ZNF385B: variants seen among roughly 807,000 people sequenced by gnomAD.
The protein encoded by ZNF385B is zinc finger protein 533.
ZNF385B carries 23 observed loss-of-function variants against 39.2 expected under a neutral mutation model. The observed-to-expected ratio is 0.59, with a 90% confidence interval of 0.42 to 0.83. The LOEUF (loss-of-function observed/expected upper bound fraction) is 0.83. Ranked by LOEUF, ZNF385B falls within the 40% of genes least tolerant of loss-of-function variation. The pLI is 0.00. For synonymous variants in ZNF385B, 205 were observed against 222.6 expected, an observed-to-expected ratio of 0.92 and a Z score of 0.70; for missense variants, 552 against 598.9, an observed-to-expected ratio of 0.92 and a Z score of 0.82.
intron 3 of ZNF385B, among the ~76,000 whole-genome samples, chr2:179,756,251 C>A (rs1703008289): frequency 6.6e-6 from 1 of 152,114 alleles, no homozygotes; most frequent in Non-Finnish European, 1.5e-5. Context: ...CTTAGTTTGG[C>A]TGGATATGAA....
At chr2:179,836,613 G>A (rs1471224123) in intron 1 of ZNF385B, among the ~76,000 whole-genome samples, 1 of 148,344 alleles carries the variant, frequency 6.7e-6, no homozygotes, top group African/African-American at 2.5e-5. Flanking sequence ...CCGCTTCCCG[G>A]GTTCACGCCA....
intron 3 of ZNF385B, among the ~76,000 whole-genome samples, chr2:179,559,285 G>A (rs2061164884): frequency 6.6e-6 from 1 of 152,028 alleles, no homozygotes; most frequent in Non-Finnish European, 1.5e-5. Context: ...TGAGAAACAT[G>A]GAGTGTTCTG....
rs979675600 is a variant in ZNF385B at position 179,766,530 on chromosome 2, T to A, written c.298+2973A>T. Among the ~76,000 whole-genome samples the A allele has an allele frequency of 2.6e-5, 4 of 152,242 alleles. 1 individual carries two copies. The highest frequency in any genetic ancestry group is 2.6e-4 in the Admixed American group (4 of 15,292). On this transcript the variant is annotated intron_variant, in intron 3 of 9. Transcript: ENST00000410066. ...CCTTCTGAGGGCTGTGAGGGAAGGA[T>A]CTATTCTAGGGCTCTCTCCTTGGCT...
intron 3 of ZNF385B, among the ~76,000 whole-genome samples, chr2:179,599,006 C>T (rs574051883): frequency 1.3e-5 from 2 of 152,242 alleles, no homozygotes; most frequent in South Asian, 4.1e-4. Flanking sequence ...TAATTAAAGA[C>T]ATTTATTGTG....
chr2:179,739,176 G>A (rs74753477), intron 3 of ZNF385B, among the ~76,000 whole-genome samples: 190 of 152,228 alleles, frequency 1.2e-3, no homozygotes, highest in African/African-American at 4.4e-3. Context: ...CATATAAAAC[G>A]TCTTGCATAT....
chr2:179,852,502 A>T (rs1684259259), intron 1 of ZNF385B, among the ~76,000 whole-genome samples: 1 of 152,178 alleles, frequency 6.6e-6, no homozygotes, highest in Non-Finnish European at 1.5e-5. Context: ...TTGTAGGGTT[A>T]GGTTTGGGCC....
intron 3 of ZNF385B, among the ~76,000 whole-genome samples, chr2:179,730,038 T>C (rs1701288128): frequency 6.6e-6 from 1 of 152,178 alleles, no homozygotes; most frequent in South Asian, 2.1e-4. Flanking sequence ...TAATACACCA[T>C]AGTATCCCCA....
At chr2:179,672,197 C>G (rs1696107384) in intron 3 of ZNF385B, among the ~76,000 whole-genome samples, 1 of 152,216 alleles carries the variant, frequency 6.6e-6, no homozygotes, top group East Asian at 1.9e-4. Context: ...TGTTCTCACT[C>G]AGAATTTATC....
chr2:179,651,036 A>G (rs889683601), intron 3 of ZNF385B, among the ~76,000 whole-genome samples: 13 of 152,210 alleles, frequency 8.5e-5, no homozygotes, highest in Non-Finnish European at 1.6e-4. Flanking sequence ...TTACTCGAAG[A>G]AAGGACATGA....
chr2:179,681,144 T>C (rs1697478188), intron 3 of ZNF385B, among the ~76,000 whole-genome samples: 1 of 151,570 alleles, frequency 6.6e-6, no homozygotes, highest in Non-Finnish European at 1.5e-5. Flanking sequence ...AAAACTGGCA[T>C]TGATATTTTC....
intron 5 of ZNF385B, among the ~76,000 whole-genome samples, chr2:179,510,005 A>G (rs1238493853): frequency 1.3e-5 from 2 of 152,172 alleles, no homozygotes; most frequent in Non-Finnish European, 2.9e-5. Context: ...AGAGGCTACT[A>G]TTTGCATGGG....
intron 3 of ZNF385B, among the ~76,000 whole-genome samples, chr2:179,759,271 G>A (rs958185048): frequency 6.6e-6 from 1 of 152,158 alleles, no homozygotes; most frequent in Admixed American, 6.5e-5. Context: ...CTGCAATTGT[G>A]TGGTACCCTG....
rs1187270197 is a variant in ZNF385B, at chr2:179,685,135, TG to T, written c.298+84367del. Among the ~76,000 whole-genome samples, 8 of 152,354 alleles carry T rather than the reference TG, an allele frequency of 5.3e-5. No homozygotes were observed. The East Asian group carries it at 1.5e-3, about 29-fold the overall frequency. On this transcript the variant is annotated intron_variant, in intron 3 of 9. Coordinates refer to ENST00000410066, the MANE Select transcript of ZNF385B (RefSeq NM_152520.6). ...TGGGGCCTTTCATCAACTATGAACT[TG>T]GGAATTAGAGTTTCTGGCCTTGCTT...
At chr2:179,775,361 C>T (rs1319888576) in intron 1 of ZNF385B, among the ~76,000 whole-genome samples, 4 of 152,142 alleles carry the variant, frequency 2.6e-5, no homozygotes, top group South Asian at 2.1e-4. Context: ...CCAGAAGAGG[C>T]AATCCTTCTG....
At chr2:179,645,372 AC>A (rs1435661320) in intron 3 of ZNF385B, among the ~76,000 whole-genome samples, 1 of 152,192 alleles carries the variant, frequency 6.6e-6, no homozygotes, top group African/African-American at 2.4e-5. Flanking sequence ...TTAAGCCATC[AC>A]TGTCAAATAA....
intron 1 of ZNF385B, among the ~76,000 whole-genome samples, chr2:179,806,855 T>C (rs1451380000): frequency 6.6e-6 from 1 of 152,208 alleles, no homozygotes; most frequent in Non-Finnish European, 1.5e-5. Flanking sequence ...ATCTGACTAG[T>C]AATCAGGGAA....
chr2:179,702,569 T>C (rs1699289075), intron 3 of ZNF385B, among the ~76,000 whole-genome samples: 1 of 152,150 alleles, frequency 6.6e-6, no homozygotes, highest in Non-Finnish European at 1.5e-5. Flanking sequence ...TTATGACAAA[T>C]ATCAAAACTA....
intron 1 of ZNF385B, among the ~76,000 whole-genome samples, chr2:179,798,978 C>T (rs528269454): frequency 6.6e-6 from 1 of 151,872 alleles, no homozygotes; most frequent in African/African-American, 2.4e-5. Context: ...ATGGTTTATC[C>T]ATTCTATTTT....
intron 1 of ZNF385B, among the ~76,000 whole-genome samples, chr2:179,782,088 A>G (rs1367283261): frequency 1.3e-5 from 2 of 152,196 alleles, no homozygotes; most frequent in African/African-American, 4.8e-5. Flanking sequence ...ATCCTCAACA[A>G]AATACTTGCA....
Sources: allele counts gnomAD v4.1 joint callset (sites outside exome capture counted in the v4.1 genomes callset), GRCh38; gene constraint gnomAD v4.1.1; transcripts MANE v1.5; gene names NCBI Gene and HGNC (gene_info 2026-07-23, HGNC 2026-07-21).